The following EXT1 variants were observed in gnomAD, a reference collection of about 807,000 sequenced individuals.
EXT1 encodes the protein exostosin glycosyltransferase 1.
EXT1 carries 20 observed loss-of-function variants against 82.5 expected under a neutral mutation model. The observed-to-expected ratio is 0.24, with a 90% CI of 0.17 to 0.35. The LOEUF (loss-of-function observed/expected upper bound fraction) is 0.35, where lower values mean the gene tolerates loss of function less well. Ranked by LOEUF, EXT1 falls within the 10% of genes least tolerant of loss-of-function variation. The pLI, the probability that EXT1 is intolerant of heterozygous loss-of-function variation, is 1.00. For missense variants in EXT1, 757 were observed against 936.5 expected (o/e 0.81, Z 2.50); for synonymous variants, 348 against 350.8 (o/e 0.99, Z 0.09).
intron 1 of EXT1, among the ~76,000 whole-genome samples, chr8:117,849,877 C>A (rs542933567): frequency 1.3e-5 from 2 of 152,242 alleles, no homozygotes; most frequent in African/African-American, 4.8e-5. Flanking sequence ...TCTTTGCGTC[C>A]CAAATTATTA....
chr8:118,028,926 GA>G (rs1269582100), intron 1 of EXT1, among the ~76,000 whole-genome samples: 15 of 150,584 alleles, frequency 1.0e-4, no homozygotes, highest in East Asian at 1.9e-4. Flanking sequence ...CCATCTCAAA[GA>G]AAAAAAATAA....
intron 1 of EXT1, among the ~76,000 whole-genome samples, chr8:117,994,473 T>C (rs577504381): frequency 2.0e-5 from 3 of 152,228 alleles, no homozygotes; most frequent in African/African-American, 7.2e-5. Context: ...TAGCCAGTCA[T>C]GGTGATACAC....
intron 1 of EXT1, among the ~76,000 whole-genome samples, chr8:117,969,975 G>T (rs1814905463): frequency 6.6e-6 from 1 of 152,174 alleles, no homozygotes; most frequent in Admixed American, 6.5e-5. Context: ...GGAGGAAGGA[G>T]AACTGATTCT....
At chr8:117,891,456 G>T (rs1234024659) in intron 1 of EXT1, among the ~76,000 whole-genome samples, 4 of 152,094 alleles carry the variant, frequency 2.6e-5, no homozygotes, top group African/African-American at 9.7e-5. Context: ...AGCTGTAATT[G>T]ACTAATAGGA....
intron 9 of EXT1, among the ~76,000 whole-genome samples, chr8:117,805,975 T>C (rs541271495): frequency 6.6e-6 from 1 of 152,360 alleles, no homozygotes; most frequent in African/African-American, 2.4e-5. Context: ...ACTTGTTCCA[T>C]CTGTAGTTTT....
chr8:118,092,911 T>C (rs1461853970), intron 1 of EXT1, among the ~76,000 whole-genome samples: 1 of 152,176 alleles, frequency 6.6e-6, no homozygotes, highest in Non-Finnish European at 1.5e-5. Context: ...TCTTACACCA[T>C]GTCCTGAATA....
rs556810565 is a variant in EXT1 at position 117,953,207 on chromosome 8, T to C, written c.963-116006A>G. 1.1e-3 allele frequency among the ~76,000 whole-genome samples: 162 copies of C among 152,166 alleles called. 1 individual carries two copies. Among genetic ancestry groups the C allele is most frequent in the African/African-American group, 3.8e-3 (157 of 41,474 alleles). On this transcript the variant is annotated intron_variant, in intron 1 of 10. Transcript: ENST00000378204. ...CAACTATACCAATTATATAGAGATA[T>C]ATAGTTAGATAGATAGATATACATA...
chr8:117,913,575 C>A (rs1027089809), intron 1 of EXT1, among the ~76,000 whole-genome samples: 6 of 152,180 alleles, frequency 3.9e-5, no homozygotes, highest in African/African-American at 1.4e-4. Flanking sequence ...GAGACGCTAA[C>A]CCAGTTTGGT....
intron 1 of EXT1, among the ~76,000 whole-genome samples, chr8:117,907,839 G>C (rs1813571578): frequency 6.6e-6 from 1 of 152,120 alleles, no homozygotes; most frequent in African/African-American, 2.4e-5. Context: ...ATAAAGTCTA[G>C]TAATCAGCCT....
chr8:117,904,793 T>C (rs1034029962), intron 1 of EXT1, among the ~76,000 whole-genome samples: 2 of 150,878 alleles, frequency 1.3e-5, no homozygotes, highest in African/African-American at 2.4e-5. Context: ...GGGGAGAAGG[T>C]TGGGGAGAGG....
intron 10 of EXT1, 34 bp downstream of exon 10, chr8:117,804,688 G>A (rs1029760990): frequency 1.2e-6 from 2 of 1,612,848 alleles, no homozygotes; most frequent in South Asian, 1.1e-5. Context: ...CCACCAGTGA[G>A]TGAAGCAAGG....
chr8:117,971,774 TG>T (rs1263984767), intron 1 of EXT1, among the ~76,000 whole-genome samples: 2 of 152,194 alleles, frequency 1.3e-5, no homozygotes, highest in East Asian at 3.8e-4. Context: ...TCTTTGCAAA[TG>T]GTATCCCCTT....
At chr8:117,851,074 A>C (rs1300133746) in intron 1 of EXT1, among the ~76,000 whole-genome samples, 1 of 152,220 alleles carries the variant, frequency 6.6e-6, no homozygotes, top group African/African-American at 2.4e-5. Context: ...ATCAAGGGAT[A>C]CTTTCCTATC....
chr8:118,017,149 T>C (rs542380101), intron 1 of EXT1, among the ~76,000 whole-genome samples: 4 of 152,336 alleles, frequency 2.6e-5, no homozygotes, highest in African/African-American at 9.6e-5. Context: ...TATCCGTTAG[T>C]CTGCTTGAAT....
At chr8:118,101,969 G>C (rs1817727056) in intron 1 of EXT1, among the ~76,000 whole-genome samples, 1 of 150,894 alleles carries the variant, frequency 6.6e-6, no homozygotes, top group Non-Finnish European at 1.5e-5. Context: ...AAAAAAACAA[G>C]TTAAATATGT....
intron 7 of EXT1, among the ~76,000 whole-genome samples, chr8:117,816,521 G>A (rs1347167226): frequency 6.6e-6 from 1 of 152,134 alleles, no homozygotes; most frequent in African/African-American, 2.4e-5. Flanking sequence ...GACATAGGAA[G>A]AACCCAGCCC....
At chr8:117,846,748 C>T (rs1812368258) in intron 1 of EXT1, among the ~76,000 whole-genome samples, 1 of 152,068 alleles carries the variant, frequency 6.6e-6, no homozygotes, top group Non-Finnish European at 1.5e-5. Flanking sequence ...TGGAATGGAG[C>T]CAGGAAGTAT....
At chr8:117,863,882 G>A (rs982558182) in intron 1 of EXT1, among the ~76,000 whole-genome samples, 8 of 152,102 alleles carry the variant, frequency 5.3e-5, no homozygotes, top group African/African-American at 1.2e-4. Flanking sequence ...CTCTAAGCCC[G>A]GTCAGCATAA....
chr8:118,005,533 T>G (rs990174578), intron 1 of EXT1, among the ~76,000 whole-genome samples: 1 of 152,196 alleles, frequency 6.6e-6, no homozygotes, highest in Non-Finnish European at 1.5e-5. Flanking sequence ...CTATCGGATA[T>G]GAATTGTCTA....
Sources: gnomAD v4.1 joint callset for allele counts (sites outside exome capture counted in the v4.1 genomes callset) on GRCh38, gnomAD v4.1.1 for gene constraint, MANE v1.5 for transcripts, NCBI Gene and HGNC (gene_info 2026-07-23, HGNC 2026-07-21) for gene names.